CCDC149: variants seen among roughly 807,000 people sequenced by gnomAD.
CCDC149 encodes coiled-coil domain-containing protein 149.
A neutral mutation model predicts 59.9 loss-of-function variants in CCDC149; 45 were observed. The ratio of observed to expected loss-of-function variants is 0.75; its 90% CI spans 0.59 to 0.96. CCDC149 has a LOEUF of 0.96. CCDC149 is among the 40% of genes least tolerant of loss of function. CCDC149 has a pLI of 0.00. For synonymous variants in CCDC149, 245 were observed against 260.6 expected (o/e 0.94, Z 0.58); for missense variants, 584 against 664.7 (o/e 0.88, Z 1.33).
chr4:24,953,003 C>T (rs185720181), intron 1 of CCDC149, among the ~76,000 whole-genome samples: 1 of 152,182 alleles, frequency 6.6e-6, no homozygotes, highest in East Asian at 1.9e-4. Flanking sequence ...GATTGTGATG[C>T]CAGTGGAATG....
intron 12 of CCDC149, among the ~76,000 whole-genome samples, chr4:24,811,007 C>T (rs1051906182): frequency 6.6e-6 from 1 of 152,168 alleles, no homozygotes; most frequent in Non-Finnish European, 1.5e-5. Flanking sequence ...AAGTGCTCAT[C>T]AACAGGGGAT....
At chr4:24,918,612 A>G (rs541046728) in intron 1 of CCDC149, among the ~76,000 whole-genome samples, 22 of 152,336 alleles carry the variant, frequency 1.4e-4, no homozygotes, top group African/African-American at 5.3e-4. Flanking sequence ...GTGCAAAGCC[A>G]GACTAAAGAG....
At chr4:24,950,677 C>A (rs777966019) in intron 1 of CCDC149, among the ~76,000 whole-genome samples, 7 of 152,208 alleles carry the variant, frequency 4.6e-5, no homozygotes, top group African/African-American at 7.2e-5. Context: ...CGTACTTACC[C>A]CTTAGGGTGG....
At chr4:24,909,810 T>C (rs1308480144) in intron 1 of CCDC149, among the ~76,000 whole-genome samples, 4 of 152,120 alleles carry the variant, frequency 2.6e-5, no homozygotes, top group Non-Finnish European at 4.4e-5. Context: ...AAGATGTTAC[T>C]TGCTCCTCCT....
At chr4:24,902,217 C>T (rs1048718492) in intron 1 of CCDC149, among the ~76,000 whole-genome samples, 4 of 152,180 alleles carry the variant, frequency 2.6e-5, no homozygotes, top group Non-Finnish European at 5.9e-5. Context: ...CCTGTCCTTC[C>T]CTGATTCCTG....
At chr4:24,909,003 C>A (rs1030236956) in intron 1 of CCDC149, among the ~76,000 whole-genome samples, 4 of 152,250 alleles carry the variant, frequency 2.6e-5, no homozygotes, top group African/African-American at 9.6e-5. Flanking sequence ...AGAATATCTG[C>A]CCCTCCCCAG....
intron 1 of CCDC149, among the ~76,000 whole-genome samples, chr4:24,953,256 G>A (rs558731286): frequency 6.6e-6 from 1 of 152,262 alleles, no homozygotes; most frequent in East Asian, 1.9e-4. Context: ...GGAGGATGGG[G>A]CCCTTTTTGC....
intron 10 of CCDC149, among the ~76,000 whole-genome samples, 191 bp downstream of exon 10, chr4:24,822,306 T>C (rs1011441503): frequency 3.3e-5 from 5 of 152,176 alleles, no homozygotes; most frequent in Admixed American, 3.3e-4. Context: ...TTTCTGATTC[T>C]ACCCCCACCC....
chr4:24,813,504 A>C (rs897320855), intron 12 of CCDC149, among the ~76,000 whole-genome samples: 3 of 133,984 alleles, frequency 2.2e-5, no homozygotes, highest in African/African-American at 9.4e-5. Context: ...ATATATATAT[A>C]TATATATATA....
At chr4:24,936,265 T>C (rs1313519692) in intron 1 of CCDC149, among the ~76,000 whole-genome samples, 1 of 152,022 alleles carries the variant, frequency 6.6e-6, no homozygotes, top group African/African-American at 2.4e-5. Flanking sequence ...AGGTTTTCAG[T>C]TTTGCTTTTT....
intron 2 of CCDC149, among the ~76,000 whole-genome samples, chr4:24,874,253 T>TTTTTG (rs1560230456): frequency 5.8e-5 from 4 of 69,408 alleles, no homozygotes; most frequent in East Asian, 7.9e-4. Flanking sequence ...TGTTTTTTTT[T>TTTTTG]TTTTTTGTTT....
intron 4 of CCDC149, among the ~76,000 whole-genome samples, chr4:24,847,285 T>G (rs1364430425): frequency 6.6e-6 from 1 of 152,204 alleles, no homozygotes; most frequent in Admixed American, 6.5e-5. Flanking sequence ...ACAGCAACAC[T>G]TACCCTCTGT....
At chr4:24,908,601 G>A (rs1001974545) in intron 1 of CCDC149, among the ~76,000 whole-genome samples, 4 of 152,012 alleles carry the variant, frequency 2.6e-5, no homozygotes, top group African/African-American at 9.7e-5. Context: ...TCAGGAGGCT[G>A]AAGCAGGAGA....
At chr4:24,875,392 A>G (rs1440729207) in intron 2 of CCDC149, among the ~76,000 whole-genome samples, 4 of 152,012 alleles carry the variant, frequency 2.6e-5, no homozygotes, top group African/African-American at 9.7e-5. Context: ...TCAAATCTGG[A>G]TGAGTTAGAT....
chr4:24,874,118 AAGAG>A (rs1295195476), intron 2 of CCDC149, among the ~76,000 whole-genome samples: 7 of 152,184 alleles, frequency 4.6e-5, no homozygotes, highest in African/African-American at 1.7e-4. Flanking sequence ...GAGAGAGGAA[AAGAG>A]AGAGAAAGAG....
chr4:24,871,897 C>T (rs565039101), intron 3 of CCDC149, among the ~76,000 whole-genome samples: 13 of 152,108 alleles, frequency 8.5e-5, no homozygotes, highest in Non-Finnish European at 1.6e-4. Context: ...ACATATCTAT[C>T]TATGAGAGAG....
At chr4:24,851,852 C>A (rs1249200363) in intron 4 of CCDC149, among the ~76,000 whole-genome samples, 1 of 152,030 alleles carries the variant, frequency 6.6e-6, no homozygotes, top group South Asian at 2.1e-4. Flanking sequence ...TGAATAAAAC[C>A]ACGAGCGGCT....
At chr4:24,971,044 G>A (rs1723953488) in intron 1 of CCDC149, among the ~76,000 whole-genome samples, 1 of 152,176 alleles carries the variant, frequency 6.6e-6, no homozygotes, top group African/African-American at 2.4e-5. Context: ...TGCTGCCCAA[G>A]GAGGCACCTG....
chr4:24,959,205 A>G (rs969458410), intron 1 of CCDC149, among the ~76,000 whole-genome samples: 1 of 152,030 alleles, frequency 6.6e-6, no homozygotes, highest in African/African-American at 2.4e-5. Context: ...CAATCTCCTG[A>G]CCTTGTGATC....
Sources: allele counts gnomAD v4.1 joint callset (sites outside exome capture counted in the v4.1 genomes callset), GRCh38; gene constraint gnomAD v4.1.1; transcripts MANE v1.5; gene names NCBI Gene and HGNC (gene_info 2026-07-23, HGNC 2026-07-21).